Variants in AGAP3 observed in about 807,000 individuals in gnomAD.
AGAP3 encodes the protein arf-GAP with GTPase, ANK repeat and PH domain-containing protein 3.
In AGAP3, 24 loss-of-function variants were observed where a neutral mutation model predicts 96.9. The ratio of observed to expected loss-of-function variants is 0.25; its 90% CI spans 0.18 to 0.35. The LOEUF (loss-of-function observed/expected upper bound fraction) is 0.35. AGAP3 is among the 10% of genes least tolerant of loss of function. AGAP3 has a pLI of 1.00. For missense variants in AGAP3, 876 were observed against 1,254.2 expected (o/e 0.70, Z 4.55); for synonymous variants, 563 against 536.1 (o/e 1.05, Z -0.69).
rs6979425 is a variant in AGAP3, at chr7:151,134,553, C to T, written c.1480C>T (p.Leu494=). Residue 494 remains leucine (L), a synonymous_variant, in exon 11 of 18, where the codon CTG becomes TTG. Coordinates refer to ENST00000397238, the MANE Select transcript of AGAP3 (RefSeq NM_031946.7). ...GLSVERSNTQ[L]GGGTGAPHSA... is the part of the protein sequence containing the mutation. ...GTCCGTGGAGCGGAGTAACACACAG[C>T]TGGGTGGGGGCACAGGTGAGGCGGC... The T allele has an allele frequency of 2.6e-3, 4,231 of 1,611,136 alleles. 86 individuals are homozygous for T. In the African/African-American group the frequency reaches 0.047, roughly 18 times the overall value.
chr7:151,132,111 G>A (rs1006468962), intron 10 of AGAP3, among the ~76,000 whole-genome samples: 4 of 152,340 alleles, frequency 2.6e-5, no homozygotes, highest in African/African-American at 2.4e-5. Flanking sequence ...GAGGGCCGGC[G>A]GGGCCAGTGG....
Position 151,114,960 on chromosome 7 carries a change from G to A in AGAP3, c.332-1833G>A, listed in dbSNP as rs1385805653. 3.1e-6 allele frequency: 3 copies of A among 982,444 alleles called. No individual in the cohort carries two copies. The highest frequency in any genetic ancestry group is 1.8e-5 in the African/African-American group (1 of 56,556). The allele number at this position is 982,444 out of a possible 1,614,324, so 60.9% of individuals were successfully genotyped here. A position where few individuals can be genotyped will look rare whatever the true frequency, so the allele number is the denominator to read the frequency against. On this transcript the variant is annotated intron_variant, in intron 1 of 17. Coordinates refer to ENST00000397238, the MANE Select transcript of AGAP3 (RefSeq NM_031946.7). This position sits in a 1 kb window ranked among gnomAD's most constrained non-coding sequence, Gnocchi z 4.4. The stretch of plus-strand genomic sequence containing the variant: ...GCGGCCGCGGAGCGTGTGCTCGGGC[G>A]GCCCGGAGCCGCCGCCCACCGGCGC...
chr7:151,143,897 G>A lies in AGAP3; in HGVS notation c.2690G>A (p.Gly897Asp), dbSNP rs764333391. 6.3e-5 allele frequency: 101 copies of A among 1,613,912 alleles called. No individual in the cohort carries two copies. Among genetic ancestry groups the A allele is most frequent in the Admixed American group, 8.3e-5 (5 of 60,012 alleles). Residue 897 changes from glycine to aspartate, a missense_variant, in exon 18 of 18, where the codon GGC (glycine) becomes GAC (aspartate). By Grantham distance (94) the Gly-to-Asp change is moderately conservative (BLOSUM62 -1). This residue lies in a region of AGAP3 where 213 missense variants were observed against 253.8 expected (regional missense o/e 0.84). Transcript: ENST00000397238. The surrounding 1 kb of genome is among the most constrained non-coding windows in gnomAD (Gnocchi z 5.9). ...ACCCCCAACAGAGAGCCTGCCAATG[G>A]CACCAACCCCTCTGCTGAGCTGCAC... ...APTPNREPAN[G>D]TNPSAELHRS... is the part of the protein sequence containing the mutation.
At position 151,106,420 on chromosome 7, in the gene AGAP3, C is replaced by G. The variant is rs1799056429; in HGVS notation, c.332-10373C>G. 2.6e-5 allele frequency among the ~76,000 whole-genome samples: 4 copies of G among 152,252 alleles called. No individual in the cohort carries two copies. In the South Asian group the frequency reaches 8.3e-4, roughly 32 times the overall value. On this transcript the variant is annotated intron_variant, in intron 1 of 17. Coordinates refer to ENST00000397238, the MANE Select transcript of AGAP3 (RefSeq NM_031946.7). ...CAACCTCGGCTCACTGCAACCTCCA[C>G]CTCCCAGGTTCAAGTGATCCTCTCA...
chr7:151,115,408 G>T, intron 1 of AGAP3: 1 of 1,007,754 alleles, frequency 9.9e-7, no homozygotes, highest in South Asian at 4.5e-5. Context: ...CGGCCGCCGC[G>T]CGCGCGCACC....
At chr7:151,095,675 A>G (rs1798574985) in intron 1 of AGAP3, among the ~76,000 whole-genome samples, 1 of 128,624 alleles carries the variant, frequency 7.8e-6, no homozygotes, top group Non-Finnish European at 1.5e-5. Context: ...AAGATGCTCT[A>G]AATGTCTTGT....
At chr7:151,086,345 G>C (rs1434841609), upstream of AGAP3, among the ~76,000 whole-genome samples, 1 of 143,176 alleles carries the variant, frequency 7.0e-6, no homozygotes, top group South Asian at 2.2e-4. Flanking sequence ...GGGGCGCCCG[G>C]GCCGGCGCGC....
Position 151,100,370 on chromosome 7 carries a change from C to A in AGAP3, c.331+13298C>A, listed in dbSNP as rs1408905231. ...ACCTGAGCCTGCTCTGTGCCCTGCA[C>A]TTCTCTGTGTGGGTCCTGAGCCGTA... On this transcript the variant is annotated intron_variant, in intron 1 of 17. Coordinates refer to ENST00000397238, the MANE Select transcript of AGAP3 (RefSeq NM_031946.7). Among the ~76,000 whole-genome samples, 3 of 152,184 alleles carry A rather than the reference C, an allele frequency of 2.0e-5. No homozygotes were observed. The South Asian group carries it at 6.2e-4, about 32-fold the overall frequency.
In AGAP3 at chr7:151,143,937, C is replaced by T. The variant is rs923793643; in HGVS notation, c.2730C>T (p.Leu910=). The change falls in exon 18 of 18, where the codon CTC becomes CTT. Residue 910 remains leucine (L), a synonymous_variant. Transcript: ENST00000397238. This position sits in a 1 kb window ranked among gnomAD's most constrained non-coding sequence, Gnocchi z 5.9. The part of the protein sequence containing the change: ...PSAELHRSPS[L]L ...CTGAGCTGCACCGTAGTCCTAGCCT[C>T]CTATAAGGCCCAGGAAGAGGGCAGA... 4.3e-5 allele frequency: 70 copies of T among 1,613,832 alleles called. No homozygotes were observed. The highest frequency in any genetic ancestry group is 5.7e-5 in the Non-Finnish European group (67 of 1,179,866).
At chr7:151,127,998 G>A (rs746783236) in intron 9 of AGAP3, among the ~76,000 whole-genome samples, 23 of 152,162 alleles carry the variant, frequency 1.5e-4, no homozygotes, top group Non-Finnish European at 2.6e-4. Flanking sequence ...ACTGGCTTAC[G>A]CGGGAAGTGT....
intron 1 of AGAP3, among the ~76,000 whole-genome samples, chr7:151,103,609 A>G (rs1237993240): frequency 6.6e-6 from 1 of 152,206 alleles, no homozygotes; most frequent in Non-Finnish European, 1.5e-5. Context: ...TTCAGCAGGC[A>G]TCTCCTGAGG....
chr7:151,107,497 A>G (rs1321827943), intron 1 of AGAP3, among the ~76,000 whole-genome samples: 1 of 151,364 alleles, frequency 6.6e-6, no homozygotes. Context: ...GAGGTGGCAC[A>G]CCTGTAGTCC....
At chr7:151,120,231 G>T in intron 8 of AGAP3, 86 bp downstream of exon 8, 1 of 1,419,726 alleles carries the variant, frequency 7.0e-7, no homozygotes, top group Non-Finnish European at 9.6e-7. Flanking sequence ...GAGGGGCGTG[G>T]GCAGCCCCAA....
intron 1 of AGAP3, chr7:151,112,077 C>A (rs6951528): frequency 0.65 from 98,790 of 152,066 alleles, 33,060 homozygotes; most frequent in East Asian, 0.76. Flanking sequence ...CCTGGGCTGA[C>A]CCAATGAGCA....
intron 10 of AGAP3, among the ~76,000 whole-genome samples, chr7:151,129,020 G>A (rs1800296062): frequency 6.6e-6 from 1 of 152,154 alleles, no homozygotes; most frequent in South Asian, 2.1e-4. Context: ...GGGGAGCTGT[G>A]GGCTTCTGGG....
Position 151,138,239 on chromosome 7 carries a change from G to C in AGAP3, c.1592G>C (p.Arg531Pro), listed in dbSNP as rs753131439. The change falls in exon 12 of 18, where the codon CGC (arginine) becomes CCC (proline). Residue 531 changes from arginine to proline, a missense_variant. Transcript: ENST00000397238. ...AGPRPEGLHQ[R>P]SCSVSSADQW... ...CCGCGCCCTGAGGGGCTGCACCAGC[G>C]CTCCTGCTCCGTTTCCAGCGCCGAC... 1.2e-6 allele frequency: 2 copies of C among 1,612,620 alleles called. No homozygotes were observed. Among genetic ancestry groups the C allele is most frequent in the South Asian group, 2.2e-5 (2 of 91,000 alleles).
intron 1 of AGAP3, among the ~76,000 whole-genome samples, chr7:151,098,227 C>T (rs911260296): frequency 2.6e-5 from 4 of 152,156 alleles, no homozygotes; most frequent in Non-Finnish European, 5.9e-5. Context: ...GGCATGGTGG[C>T]GCATGCCTCC....
rs1447683015 is a variant in AGAP3, at chr7:151,144,116, G to A, written c.*173G>A. ...GGATCAAGGAGAGTTGGGGATTTGA[G>A]CTGCAGCAGAGAGGGATGAGGGATT... On this transcript the variant is annotated 3_prime_UTR_variant, in exon 18 of 18. Coordinates refer to ENST00000397238, the MANE Select transcript of AGAP3 (RefSeq NM_031946.7). The A allele has an allele frequency of 5.6e-6, 4 of 717,220 alleles. No homozygotes were observed. The highest frequency in any genetic ancestry group is 9.0e-6 in the Non-Finnish European group (4 of 442,258). 44.4% of individuals were successfully genotyped at this position (717,220 alleles called of 1,614,324 possible). A position where few individuals can be genotyped will look rare whatever the true frequency, so the allele number is the denominator to read the frequency against.
intron 1 of AGAP3, among the ~76,000 whole-genome samples, chr7:151,107,245 G>A (rs1295424459): frequency 6.6e-6 from 1 of 151,982 alleles, no homozygotes; most frequent in African/African-American, 2.4e-5. Flanking sequence ...GGGAGGCGGA[G>A]GTTGTAGTGA....
Sources: gnomAD v4.1 joint callset for allele counts (sites outside exome capture counted in the v4.1 genomes callset) on GRCh38, gnomAD v4.1.1 for gene constraint, gnomAD v4.1.1 regional missense constraint, Gnocchi (gnomAD v3.1) non-coding constraint, MANE v1.5 for transcripts, NCBI Gene and HGNC (gene_info 2026-07-23, HGNC 2026-07-21) for gene names.